TENT4B: variants seen among roughly 807,000 people sequenced by gnomAD.
The protein encoded by TENT4B is terminal nucleotidyltransferase 4B.
In TENT4B, 10 loss-of-function variants were observed where a neutral mutation model predicts 75.0. The ratio of observed to expected loss-of-function variants is 0.13; its 90% CI spans 0.08 to 0.23. The LOEUF (loss-of-function observed/expected upper bound fraction) is 0.23. Among genes scored for constraint, TENT4B ranks in the 10% least tolerant of loss-of-function variants. The pLI is 1.00. For synonymous variants in TENT4B, 350 were observed against 357.7 expected (o/e 0.98, Z 0.24); for missense variants, 579 against 893.8 (o/e 0.65, Z 4.49).
In TENT4B at chr16:50,233,864, GAT is replaced by G; in HGVS notation, c.*4539_*4540del. 1 of 985,408 alleles carries G rather than the reference GAT, an allele frequency of 1.0e-6. No individual in the cohort carries two copies. Among genetic ancestry groups the G allele is most frequent in the African/African-American group, 1.7e-5 (1 of 57,366 alleles). The allele number at this position is 985,408 out of a possible 1,614,324, so 61.0% of individuals were successfully genotyped here. On this transcript the variant is annotated 3_prime_UTR_variant, in exon 12 of 12. Transcript: ENST00000561678. ...GTGGTAGCTCCTGGATTTACTGAGA[GAT>G]ATTTTAGCTATGTCAATAAGAACAG... is the stretch of plus-strand genomic sequence containing the variant.
chr16:50,156,422 G>A (rs566731353), intron 1 of TENT4B, among the ~76,000 whole-genome samples: 4 of 150,756 alleles, frequency 2.7e-5, no homozygotes, highest in East Asian at 3.9e-4. Context: ...TCAGCTCACC[G>A]CAACCTCTGC....
chr16:50,166,634 G>T (rs1377402282), intron 1 of TENT4B, among the ~76,000 whole-genome samples: 3 of 151,972 alleles, frequency 2.0e-5, no homozygotes, highest in African/African-American at 4.8e-5. Context: ...CTGAGACAGG[G>T]TCTTGCTCTG....
Position 50,234,647 on chromosome 16 carries a change from C to A in TENT4B, c.*5319C>A. 4 of 985,320 alleles carry A rather than the reference C, an allele frequency of 4.1e-6. No homozygotes were observed. Among genetic ancestry groups the A allele is most frequent in the Non-Finnish European group, 4.8e-6 (4 of 829,866 alleles). 61.0% of individuals were successfully genotyped at this position (985,320 alleles called of 1,614,324 possible). On this transcript the variant is annotated 3_prime_UTR_variant, in exon 12 of 12. Transcript: ENST00000561678. Reference sequence around the variant, plus strand: ...CTTACAGAAGTCACTTTAAAAAAGTCTTTTGAAAGTCCTACAATCCTAAAA... The same window carrying A: ...CTTACAGAAGTCACTTTAAAAAAGTATTTTGAAAGTCCTACAATCCTAAAA...
At position 50,222,356 on chromosome 16, in the gene TENT4B, G is replaced by A; in HGVS notation, c.1089G>A (p.Leu363=). The A allele has an allele frequency of 6.2e-7, 1 of 1,611,046 alleles. No individual in the cohort carries two copies. Among genetic ancestry groups the A allele is most frequent in the Non-Finnish European group, 8.5e-7 (1 of 1,178,190 alleles). Residue 363 remains leucine, a synonymous_variant, in exon 6 of 12, where the codon TTG becomes TTA. Coordinates refer to ENST00000561678, the MANE Select transcript of TENT4B (RefSeq NM_001365324.3). ...YLVLVLKQFL[L]QRDLNEVFTG... ...TTTTAGTATTGAAACAATTCCTATT[G>A]CAGAGGGACCTTAATGAAGTATTTA... is the stretch of plus-strand genomic sequence containing the variant.
At chr16:50,172,941 A>G (rs1432364295) in intron 1 of TENT4B, among the ~76,000 whole-genome samples, 1 of 151,966 alleles carries the variant, frequency 6.6e-6, no homozygotes, top group Non-Finnish European at 1.5e-5. Flanking sequence ...TCCTGGCTTG[A>G]TAGCTCTTTT....
intron 1 of TENT4B, among the ~76,000 whole-genome samples, chr16:50,155,275 GT>G (rs1567471128): frequency 1.4e-4 from 20 of 147,852 alleles, no homozygotes; most frequent in African/African-American, 5.0e-4. Context: ...TCTCGTGGGT[GT>G]GTGTGTGTGT....
chr16:50,169,387 G>GTTTTTTTTTTTTTTTTTTTTTTTT (rs552275205), intron 1 of TENT4B, among the ~76,000 whole-genome samples: 1 of 65,780 alleles, frequency 1.5e-5, no homozygotes, highest in Admixed American at 2.4e-4. Flanking sequence ...GATTTTGTGG[G>GTTTTTTTTTTTTTTTTTTTTTTTT]TTTTTTTTTT....
intron 1 of TENT4B, among the ~76,000 whole-genome samples, chr16:50,196,485 C>G (rs1322566104): frequency 3.3e-5 from 3 of 90,254 alleles, no homozygotes; most frequent in Non-Finnish European, 6.9e-5. Context: ...TTTAGTTTAT[C>G]ATTATCATCA....
intron 10 of TENT4B, among the ~76,000 whole-genome samples, chr16:50,225,912 G>A (rs930646888): frequency 6.6e-5 from 10 of 151,878 alleles, no homozygotes; most frequent in African/African-American, 2.4e-4. Context: ...CTGAACTCCT[G>A]ATCTTGTGAT....
At chr16:50,219,035 G>A (rs2031702916) in intron 5 of TENT4B, among the ~76,000 whole-genome samples, 1 of 151,892 alleles carries the variant, frequency 6.6e-6, no homozygotes, top group Non-Finnish European at 1.5e-5. Flanking sequence ...ATAAATGTAT[G>A]GAAGACAGAA....
chr16:50,172,559 G>A lies in TENT4B; in HGVS notation c.638+18300G>A, dbSNP rs925997897. 3.3e-5 allele frequency among the ~76,000 whole-genome samples: 5 copies of A among 149,378 alleles called. No homozygotes were observed. The South Asian group carries it at 6.3e-4, about 19-fold the overall frequency. Reference sequence around the variant, plus strand: ...AGGTTTATGGAAAAATTGAGCAGGAGTACATAGTTTCTCTATCTCCCTCAC... The same window carrying A: ...AGGTTTATGGAAAAATTGAGCAGGAATACATAGTTTCTCTATCTCCCTCAC... On this transcript the variant is annotated intron_variant, in intron 1 of 11. Coordinates refer to ENST00000561678, the MANE Select transcript of TENT4B (RefSeq NM_001365324.3).
At chr16:50,191,934 A>G (rs2038648054) in intron 1 of TENT4B, among the ~76,000 whole-genome samples, 1 of 151,066 alleles carries the variant, frequency 6.6e-6, no homozygotes, top group African/African-American at 2.4e-5. Flanking sequence ...AAACAAACAA[A>G]CAAACAAAAT....
At chr16:50,198,663 A>AT (rs959064470) in intron 1 of TENT4B, among the ~76,000 whole-genome samples, 7 of 152,178 alleles carry the variant, frequency 4.6e-5, no homozygotes, top group African/African-American at 1.4e-4. Context: ...TGGGAGAGTC[A>AT]TTTGTTAAAA....
rs117397122 is a variant in TENT4B, at chr16:50,190,955, A to T, written c.639-20368A>T. Among the ~76,000 whole-genome samples the T allele has an allele frequency of 4.4e-3, 674 of 152,200 alleles. 2 individuals carry two copies. Among genetic ancestry groups the T allele is most frequent in the Non-Finnish European group, 6.8e-3 (466 of 68,036 alleles). On this transcript the variant is annotated intron_variant, in intron 1 of 11. Coordinates refer to ENST00000561678, the MANE Select transcript of TENT4B (RefSeq NM_001365324.3). Reference sequence around the variant, plus strand: ...TACTCTAGGTACCTCACATAAGTGAAATCAACCAGTATTTATCCTTTTGTG... The same window carrying T: ...TACTCTAGGTACCTCACATAAGTGATATCAACCAGTATTTATCCTTTTGTG...
intron 1 of TENT4B, among the ~76,000 whole-genome samples, chr16:50,158,304 T>C (rs923839137): frequency 2.0e-5 from 3 of 151,762 alleles, no homozygotes; most frequent in African/African-American, 7.3e-5. Context: ...CCAGACTGGT[T>C]TCGAACTTCT....
At chr16:50,181,299 T>G (rs2150696126) in intron 1 of TENT4B, among the ~76,000 whole-genome samples, 1 of 152,128 alleles carries the variant, frequency 6.6e-6, no homozygotes, top group East Asian at 1.9e-4. Context: ...TCAGTCTGAT[T>G]CAAGCCACCT....
intron 1 of TENT4B, among the ~76,000 whole-genome samples, chr16:50,157,739 G>A (rs1484530035): frequency 6.6e-6 from 1 of 151,902 alleles, no homozygotes; most frequent in Non-Finnish European, 1.5e-5. Context: ...GATTACAGGT[G>A]TGAGCCACTG....
At chr16:50,228,328 G>C (rs1321164860) in intron 11 of TENT4B, among the ~76,000 whole-genome samples, 2 of 152,210 alleles carry the variant, frequency 1.3e-5, no homozygotes, top group African/African-American at 4.8e-5. Flanking sequence ...CCTCATGGCA[G>C]TGTGCATATC....
At chr16:50,224,312 A>T (rs1463062944) in intron 7 of TENT4B, among the ~76,000 whole-genome samples, 1 of 152,246 alleles carries the variant, frequency 6.6e-6, no homozygotes, top group African/African-American at 2.4e-5. Flanking sequence ...TATAGCTAAT[A>T]TAAACCCAAA....
Sources: allele counts gnomAD v4.1 joint callset (sites outside exome capture counted in the v4.1 genomes callset), GRCh38; gene constraint gnomAD v4.1.1; transcripts MANE v1.5; gene names NCBI Gene and HGNC (gene_info 2026-07-23, HGNC 2026-07-21).